Variants in SLC24A3 observed in about 807,000 individuals in gnomAD.
SLC24A3 encodes the protein solute carrier family 24 member 3.
In SLC24A3, 28 loss-of-function variants were observed where a neutral mutation model predicts 75.8. The observed-to-expected ratio is 0.37, with a 90% CI of 0.27 to 0.51. The LOEUF is 0.51. SLC24A3 is among the 20% of genes least tolerant of loss of function. The pLI is 0.94. For missense variants in SLC24A3, 663 were observed against 847.8 expected, an observed-to-expected ratio of 0.78 and a Z score of 2.71; for synonymous variants, 372 against 334.1, an observed-to-expected ratio of 1.11 and a Z score of -1.24.
chr20:19,482,535 C>T (rs1303445734), intron 2 of SLC24A3, among the ~76,000 whole-genome samples: 1 of 152,184 alleles, frequency 6.6e-6, no homozygotes, highest in Non-Finnish European at 1.5e-5. Flanking sequence ...ATTAAATCAC[C>T]ACTTGCTTTC....
chr20:19,241,383 C>G (rs1982322976), intron 1 of SLC24A3, among the ~76,000 whole-genome samples: 1 of 152,154 alleles, frequency 6.6e-6, no homozygotes. Flanking sequence ...TCAGAGCTGT[C>G]CACCCCTCAC....
intron 2 of SLC24A3, among the ~76,000 whole-genome samples, chr20:19,345,063 C>T (rs1180004208): frequency 1.3e-5 from 2 of 152,138 alleles, no homozygotes; most frequent in African/African-American, 2.4e-5. Flanking sequence ...ACAGCTGACA[C>T]GATTGCCTGT....
At position 19,317,126 on chromosome 20, in the gene SLC24A3, T is replaced by C. The variant is rs546642704; in HGVS notation, c.271+36039T>C. On this transcript the variant is annotated intron_variant, in intron 2 of 16. Transcript: ENST00000328041. ...GAACTGGCTAGCTGTATACAGAAAA[T>C]TAAAAACTGGACTCCTTCCTTACAC... 6.6e-5 allele frequency among the ~76,000 whole-genome samples: 10 copies of C among 152,040 alleles called. No individual in the cohort carries two copies. In the South Asian group the frequency reaches 2.1e-3, roughly 32 times the overall value.
intron 2 of SLC24A3, among the ~76,000 whole-genome samples, chr20:19,404,012 C>G (rs1986598715): frequency 6.6e-6 from 1 of 152,212 alleles, no homozygotes; most frequent in Admixed American, 6.5e-5. Flanking sequence ...AGCTTTGGGA[C>G]TTGATGAAGG....
chr20:19,494,061 G>T (rs532831166), intron 2 of SLC24A3, among the ~76,000 whole-genome samples: 2 of 152,230 alleles, frequency 1.3e-5, no homozygotes, highest in Non-Finnish European at 2.9e-5. Context: ...CTGCATGGAG[G>T]GGGAGAGGGT....
At chr20:19,226,415 G>GGTA (rs899380983) in intron 1 of SLC24A3, among the ~76,000 whole-genome samples, 3 of 152,046 alleles carry the variant, frequency 2.0e-5, no homozygotes, top group Non-Finnish European at 4.4e-5. Flanking sequence ...TTGCTACCAG[G>GGTA]GTAATACTGG....
At chr20:19,362,621 G>A (rs1336119904) in intron 2 of SLC24A3, among the ~76,000 whole-genome samples, 2 of 152,184 alleles carry the variant, frequency 1.3e-5, no homozygotes, top group Non-Finnish European at 2.9e-5. Context: ...TTTCCCAGAC[G>A]AGATAGCCGA....
At chr20:19,269,136 A>G (rs887798192) in intron 1 of SLC24A3, among the ~76,000 whole-genome samples, 2 of 152,238 alleles carry the variant, frequency 1.3e-5, no homozygotes, top group Non-Finnish European at 2.9e-5. Flanking sequence ...AAAATTAAAA[A>G]TTCAGCTTCC....
At chr20:19,394,288 T>A (rs1418210954) in intron 2 of SLC24A3, among the ~76,000 whole-genome samples, 1 of 152,174 alleles carries the variant, frequency 6.6e-6, no homozygotes, top group Non-Finnish European at 1.5e-5. Context: ...CTTCCTGCTG[T>A]TGGATTTTGC....
At chr20:19,593,509 A>T (rs893480476) in intron 6 of SLC24A3, among the ~76,000 whole-genome samples, 1 of 152,214 alleles carries the variant, frequency 6.6e-6, no homozygotes, top group African/African-American at 2.4e-5. Flanking sequence ...AGCGTTACAT[A>T]TGTGAACTCA....
At chr20:19,335,089 A>G (rs181389693) in intron 2 of SLC24A3, among the ~76,000 whole-genome samples, 18 of 152,348 alleles carry the variant, frequency 1.2e-4, no homozygotes, top group African/African-American at 3.6e-4. Flanking sequence ...ATATGACTGA[A>G]GAACTAAATT....
intron 2 of SLC24A3, among the ~76,000 whole-genome samples, chr20:19,503,602 G>A (rs1988418528): frequency 6.6e-6 from 1 of 152,208 alleles, no homozygotes; most frequent in South Asian, 2.1e-4. Flanking sequence ...ATGATTTCCT[G>A]CAGTCAACAT....
chr20:19,315,599 G>A (rs1984568133), intron 2 of SLC24A3, among the ~76,000 whole-genome samples: 1 of 152,136 alleles, frequency 6.6e-6, no homozygotes, highest in African/African-American at 2.4e-5. Context: ...CCTCCTGGTT[G>A]TGGTCATAGA....
At chr20:19,592,920 C>T (rs528683561) in intron 6 of SLC24A3, among the ~76,000 whole-genome samples, 74 of 151,882 alleles carry the variant, frequency 4.9e-4, no homozygotes, top group Admixed American at 8.5e-4. Context: ...CTCAGCCTCC[C>T]GAGTAGCTGA....
At chr20:19,435,435 A>G (rs1489456800) in intron 2 of SLC24A3, among the ~76,000 whole-genome samples, 1 of 152,224 alleles carries the variant, frequency 6.6e-6, no homozygotes, top group Non-Finnish European at 1.5e-5. Flanking sequence ...AGTCTATACC[A>G]TAGCATTAAG....
At chr20:19,555,384 G>A (rs574889023) in intron 3 of SLC24A3, among the ~76,000 whole-genome samples, 1 of 152,324 alleles carries the variant, frequency 6.6e-6, no homozygotes, top group South Asian at 2.1e-4. Flanking sequence ...TCTGATGAAT[G>A]AGAAATTCAT....
chr20:19,542,852 C>T (rs768548606), intron 3 of SLC24A3, among the ~76,000 whole-genome samples: 6 of 152,176 alleles, frequency 3.9e-5, no homozygotes, highest in Non-Finnish European at 8.8e-5. Context: ...TATCCAGAAT[C>T]TCCAGGATGG....
chr20:19,523,148 A>G (rs1346037461), intron 3 of SLC24A3, among the ~76,000 whole-genome samples: 1 of 152,220 alleles, frequency 6.6e-6, no homozygotes, highest in African/African-American at 2.4e-5. Context: ...CACTAAAAAC[A>G]AACTATCTTC....
At chr20:19,545,401 C>T (rs1032851015) in intron 3 of SLC24A3, among the ~76,000 whole-genome samples, 1 of 152,190 alleles carries the variant, frequency 6.6e-6, no homozygotes, top group Admixed American at 6.5e-5. Flanking sequence ...GCCTGGCATC[C>T]GCACTTGGAC....
Sources: gnomAD v4.1 joint callset for allele counts (sites outside exome capture counted in the v4.1 genomes callset) on GRCh38, gnomAD v4.1.1 for gene constraint, MANE v1.5 for transcripts, NCBI Gene and HGNC (gene_info 2026-07-23, HGNC 2026-07-21) for gene names.